Variants in STAU2 observed in about 807,000 individuals in gnomAD.
The protein encoded by STAU2 is double-stranded RNA-binding protein Staufen homolog 2.
A neutral mutation model predicts 65.9 loss-of-function variants in STAU2; 20 were observed. The ratio of observed to expected loss-of-function variants is 0.30; its 90% CI spans 0.21 to 0.44. The LOEUF (loss-of-function observed/expected upper bound fraction) is 0.44, where lower values mean the gene tolerates loss of function less well. STAU2 is among the 20% of genes least tolerant of loss of function. The pLI is 1.00. For missense variants in STAU2, 558 were observed against 683.9 expected, an observed-to-expected ratio of 0.82 and a Z score of 2.05; for synonymous variants, 232 against 233.9, an observed-to-expected ratio of 0.99 and a Z score of 0.07.
At chr8:73,626,363 G>A (rs1813639319) in intron 6 of STAU2, among the ~76,000 whole-genome samples, 1 of 152,194 alleles carries the variant, frequency 6.6e-6, no homozygotes, top group East Asian at 1.9e-4. Flanking sequence ...CAAGCCCTGA[G>A]TCAAGGAATG....
At chr8:73,727,289 G>A (rs1255962585) in intron 3 of STAU2, among the ~76,000 whole-genome samples, 1 of 152,136 alleles carries the variant, frequency 6.6e-6, no homozygotes, top group Non-Finnish European at 1.5e-5. Context: ...TCCACTCACA[G>A]TGTTGTACAA....
intron 12 of STAU2, among the ~76,000 whole-genome samples, chr8:73,561,134 G>A (rs1270291492): frequency 1.3e-5 from 2 of 152,106 alleles, no homozygotes; most frequent in Non-Finnish European, 2.9e-5. Context: ...AGTGATCCAA[G>A]GGCCCCTAAA....
At chr8:73,668,849 T>C in intron 6 of STAU2, 1 of 469,184 alleles carries the variant, frequency 2.1e-6, no homozygotes, top group Non-Finnish European at 3.8e-6. Flanking sequence ...TTCTTAGGCC[T>C]TTGAATAAGT....
intron 5 of STAU2, among the ~76,000 whole-genome samples, chr8:73,683,734 T>C (rs1328244198): frequency 6.6e-6 from 1 of 152,142 alleles, no homozygotes; most frequent in Non-Finnish European, 1.5e-5. Flanking sequence ...AAAAAGCTCC[T>C]AGATCTGATA....
intron 6 of STAU2, among the ~76,000 whole-genome samples, chr8:73,668,007 C>A (rs1817360703): frequency 6.6e-6 from 1 of 152,140 alleles, no homozygotes; most frequent in Admixed American, 6.5e-5. Context: ...TGGGGCTAAC[C>A]TGTTTCTCCA....
intron 13 of STAU2, among the ~76,000 whole-genome samples, chr8:73,528,793 T>C (rs541462528): frequency 6.6e-6 from 1 of 152,294 alleles, no homozygotes; most frequent in Non-Finnish European, 1.5e-5. Flanking sequence ...GTTTTTATTG[T>C]ATACCTGAGT....
intron 6 of STAU2, chr8:73,672,393 AC>A (rs2130406047): frequency 6.6e-6 from 1 of 152,228 alleles, no homozygotes; most frequent in African/African-American, 2.4e-5. Flanking sequence ...GTGATTGGGA[AC>A]ATTCTGTATC....
intron 13 of STAU2, among the ~76,000 whole-genome samples, chr8:73,427,344 G>A: frequency 6.6e-6 from 1 of 152,086 alleles, no homozygotes; most frequent in African/African-American, 2.4e-5. Context: ...ACCATTTTGT[G>A]GGTCAGAGAA....
chr8:73,642,478 G>A (rs529945170), intron 6 of STAU2, among the ~76,000 whole-genome samples: 5 of 151,978 alleles, frequency 3.3e-5, no homozygotes, highest in East Asian at 1.9e-4. Context: ...AGCCAAGATC[G>A]CGCCACTGCA....
intron 3 of STAU2, among the ~76,000 whole-genome samples, chr8:73,716,337 G>A (rs1431594920): frequency 5.3e-5 from 8 of 152,142 alleles, no homozygotes; most frequent in African/African-American, 1.2e-4. Flanking sequence ...TGATCCACCC[G>A]CCTCGGCCTC....
chr8:73,611,666 T>G (rs1812474673), intron 9 of STAU2, among the ~76,000 whole-genome samples: 1 of 149,966 alleles, frequency 6.7e-6, no homozygotes, highest in African/African-American at 2.4e-5. Flanking sequence ...TGATGATTAT[T>G]ATTATGATTA....
Position 73,461,818 on chromosome 8 carries a change from C to A in STAU2, c.1531-39116G>T, listed in dbSNP as rs16938668. On this transcript the variant is annotated intron_variant, in intron 13 of 14. Transcript: ENST00000524300. ...GCCTGCAGGGATGGAACTGGACAGT[C>A]CCCAAGAACTCTGCACTTGGGACTC... Among the ~76,000 whole-genome samples the A allele has an allele frequency of 1.1e-4, 16 of 151,970 alleles. No individual in the cohort carries two copies. In the East Asian group the frequency reaches 2.7e-3, roughly 26 times the overall value.
At chr8:73,575,368 C>T (rs1563433350) in intron 12 of STAU2, among the ~76,000 whole-genome samples, 1 of 152,052 alleles carries the variant, frequency 6.6e-6, no homozygotes, top group Non-Finnish European at 1.5e-5. Context: ...TGTAGGGAAA[C>T]AGGAAATCTC....
At chr8:73,446,930 T>C (rs1818500773) in intron 13 of STAU2, among the ~76,000 whole-genome samples, 1 of 152,130 alleles carries the variant, frequency 6.6e-6, no homozygotes, top group African/African-American at 2.4e-5. Context: ...ATCTTATTTG[T>C]TATATTCTTT....
intron 4 of STAU2, among the ~76,000 whole-genome samples, chr8:73,700,880 G>A (rs919939999): frequency 1.3e-5 from 2 of 151,942 alleles, no homozygotes; most frequent in African/African-American, 2.4e-5. Context: ...TTATACTACA[G>A]AGCTATAGAA....
intron 4 of STAU2, among the ~76,000 whole-genome samples, chr8:73,705,995 A>G (rs1331912638): frequency 6.6e-6 from 1 of 152,226 alleles, no homozygotes; most frequent in African/African-American, 2.4e-5. Flanking sequence ...AGACTCAGGC[A>G]TAAGTATTTT....
chr8:73,554,956 G>A (rs567477254), intron 12 of STAU2, among the ~76,000 whole-genome samples: 75 of 152,178 alleles, frequency 4.9e-4, no homozygotes, highest in Non-Finnish European at 7.9e-4. Context: ...TCTATTGTTC[G>A]GTTACACACA....
chr8:73,667,576 T>C (rs1222735279), intron 6 of STAU2, among the ~76,000 whole-genome samples: 1 of 152,220 alleles, frequency 6.6e-6, no homozygotes, highest in Non-Finnish European at 1.5e-5. Flanking sequence ...AAGGCTTCTT[T>C]GGTGCCCCAA....
intron 13 of STAU2, among the ~76,000 whole-genome samples, chr8:73,429,769 T>C (rs1817124714): frequency 6.6e-6 from 1 of 152,166 alleles, no homozygotes; most frequent in African/African-American, 2.4e-5. Flanking sequence ...ACGTTCCAGA[T>C]ACCTGATTTC....
Sources: allele counts gnomAD v4.1 joint callset (sites outside exome capture counted in the v4.1 genomes callset), GRCh38; gene constraint gnomAD v4.1.1; transcripts MANE v1.5; gene names NCBI Gene and HGNC (gene_info 2026-07-23, HGNC 2026-07-21).